ANKMY1: variants seen among roughly 807,000 people sequenced by gnomAD.
The protein encoded by ANKMY1 is ankyrin repeat and MYND domain containing 1.
Under a neutral mutation model 102.0 loss-of-function variants are expected in ANKMY1, and 98 were observed. That is an observed-to-expected ratio of 0.96 (90% CI 0.82 to 1.14). The LOEUF is 1.14. Among genes scored for constraint, ANKMY1 ranks in the 50% most tolerant of loss-of-function variants. The pLI, the probability that ANKMY1 is intolerant of heterozygous loss-of-function variation, is 0.00. For missense variants in ANKMY1, 1,330 were observed against 1,347.6 expected (o/e 0.99, Z 0.20); for synonymous variants, 582 against 559.9 (o/e 1.04, Z -0.56).
At chr2:240,524,426 A>G (rs757610728) in intron 7 of ANKMY1, 45 bp from the exon 8 acceptor site, 6 of 1,553,172 alleles carry the variant, frequency 3.9e-6, no homozygotes, top group Non-Finnish European at 5.2e-6. Context: ...AATTGGAGTG[A>G]TAACCTCATT....
At chr2:240,519,469 C>CCCTCATGGACTGACG (rs1231175798) in intron 9 of ANKMY1, among the ~76,000 whole-genome samples, 1 of 152,226 alleles carries the variant, frequency 6.6e-6, no homozygotes, top group Non-Finnish European at 1.5e-5. Flanking sequence ...GTGAACCTAA[C>CCCTCATGGACTGACG]GAGGCCCTCA....
chr2:240,484,241 G>A lies in ANKMY1; in HGVS notation c.2807-1980C>T, dbSNP rs532806280. Among the ~76,000 whole-genome samples, 10 of 152,204 alleles carry A rather than the reference G, an allele frequency of 6.6e-5. No homozygotes were observed. In the South Asian group the frequency reaches 8.3e-4, roughly 13 times the overall value. ...GGTCAAAAGGTAGAGCTTGTATAGC[G>A]AAGACAATCCTAACCAAAAAGAACA... On this transcript the variant is annotated intron_variant, in intron 15 of 17. Transcript: ENST00000401804.
At chr2:240,553,196 T>C (rs1362848266) in intron 3 of ANKMY1, 139 bp from the exon 4 acceptor site, 24 of 1,044,564 alleles carry the variant, frequency 2.3e-5, no homozygotes, top group Non-Finnish European at 3.0e-5. Context: ...ATGCCTGGCA[T>C]GCGACTATTA....
At chr2:240,560,677 C>CGGGCGCCATGGGACCGGCAGAAGCT (rs1445044907), upstream of ANKMY1, 3 of 1,510,940 alleles carry the variant, frequency 2.0e-6, no homozygotes. Flanking sequence ...GACTCTTCGG[C>CGGGCGCCATGGGACCGGCAGAAGCT]GGGCGCCATG....
At chr2:240,523,793 C>T (rs2082789904) in intron 8 of ANKMY1, 92 bp downstream of exon 8, 1 of 1,514,806 alleles carries the variant, frequency 6.6e-7, no homozygotes, top group Non-Finnish European at 8.9e-7. Context: ...CAACGCCTCC[C>T]ACTGGCACAG....
intron 4 of ANKMY1, among the ~76,000 whole-genome samples, chr2:240,540,443 T>G (rs1246935635): frequency 6.6e-6 from 1 of 152,176 alleles, no homozygotes. Context: ...TTTATGTGCT[T>G]CTTTCCTCAG....
intron 8 of ANKMY1, chr2:240,523,528 C>T (rs943906224): frequency 1.6e-4 from 50 of 308,968 alleles, no homozygotes; most frequent in Middle Eastern, 1.0e-3. Context: ...GCAGGTGTCA[C>T]TCACGTGCAC....
intron 13 of ANKMY1, among the ~76,000 whole-genome samples, chr2:240,503,064 G>A (rs1421629185): frequency 2.0e-5 from 3 of 152,182 alleles, no homozygotes; most frequent in South Asian, 4.1e-4. Context: ...AACCAGCCCT[G>A]CCCAGGGGCT....
intron 3 of ANKMY1, chr2:240,553,271 C>A (rs2091848569): frequency 1.7e-6 from 1 of 588,176 alleles, no homozygotes; most frequent in African/African-American, 1.9e-5. Context: ...GGCTCCCTCT[C>A]TGTCTTCTCC....
downstream of ANKMY1, among the ~76,000 whole-genome samples, chr2:240,476,849 C>T (rs548575056): frequency 5.3e-5 from 8 of 152,344 alleles, no homozygotes; most frequent in East Asian, 5.8e-4. Context: ...CTGCTCTCTA[C>T]GCACTCCAGC....
the ANKMY1 span, among the ~76,000 whole-genome samples, chr2:240,469,003 G>T: frequency 6.6e-6 from 1 of 152,206 alleles, no homozygotes; most frequent in Non-Finnish European, 1.5e-5. Flanking sequence ...AAATGAGGGT[G>T]GGGTGGAGTC....
chr2:240,469,842 G>A, the ANKMY1 span, among the ~76,000 whole-genome samples: 4 of 149,586 alleles, frequency 2.7e-5, no homozygotes, highest in African/African-American at 4.9e-5. Flanking sequence ...GTATGAACAC[G>A]TACAATGCCC....
chr2:240,470,983 C>T, the ANKMY1 span, among the ~76,000 whole-genome samples: 1 of 152,204 alleles, frequency 6.6e-6, no homozygotes. Context: ...GAGGGGTACC[C>T]ACAGACCTGG....
the ANKMY1 span, among the ~76,000 whole-genome samples, chr2:240,470,982 C>T: frequency 0.018 from 2,759 of 152,118 alleles, 190 homozygotes; most frequent in East Asian, 0.19. Flanking sequence ...TGAGGGGTAC[C>T]CACAGACCTG....
intron 13 of ANKMY1, among the ~76,000 whole-genome samples, chr2:240,502,233 G>A (rs554941482): frequency 2.7e-5 from 4 of 148,870 alleles, no homozygotes; most frequent in East Asian, 2.0e-4. Context: ...GCACCGGGAC[G>A]GCTTCTCTGG....
At chr2:240,553,192 G>GGCAT in intron 3 of ANKMY1, 135 bp from the exon 4 acceptor site, 1 of 1,059,136 alleles carries the variant, frequency 9.4e-7, no homozygotes, top group Non-Finnish European at 1.3e-6. Flanking sequence ...AGGGATGCCT[G>GGCAT]GCATGCGACT....
chr2:240,515,380 C>G (rs1304966492), intron 9 of ANKMY1, among the ~76,000 whole-genome samples: 1 of 151,930 alleles, frequency 6.6e-6, no homozygotes, highest in Admixed American at 6.6e-5. Flanking sequence ...ACTAAAAATA[C>G]AAAAATTAGC....
Position 240,499,832 on chromosome 2 carries a change from C to A in ANKMY1, c.2806+126G>T. On this transcript the variant is annotated intron_variant, in intron 15 of 17. Transcript: ENST00000401804. The surrounding 1 kb of genome is among the most constrained non-coding windows in gnomAD (Gnocchi z 4.2). ...ACGGGACACAAAGGGGACAAGCCGA[C>A]GAGCCCAGCCCCAGGAAGGCCCCTC... 13 of 1,266,572 alleles carry A rather than the reference C, an allele frequency of 1.0e-5. No homozygotes were observed. The highest frequency in any genetic ancestry group is 1.4e-5 in the Non-Finnish European group (13 of 941,840). The allele number at this position is 1,266,572 out of a possible 1,614,324, so 78.5% of individuals were successfully genotyped here.
intron 4 of ANKMY1, among the ~76,000 whole-genome samples, chr2:240,535,368 G>C (rs2086469987): frequency 6.6e-6 from 1 of 152,184 alleles, no homozygotes; most frequent in African/African-American, 2.4e-5. Flanking sequence ...CAATGGAAAG[G>C]AATGTTCAGG....
Sources: gnomAD v4.1 joint callset for allele counts (sites outside exome capture counted in the v4.1 genomes callset) on GRCh38, gnomAD v4.1.1 for gene constraint, Gnocchi (gnomAD v3.1) non-coding constraint, MANE v1.5 for transcripts, NCBI Gene and HGNC (gene_info 2026-07-23, HGNC 2026-07-21) for gene names.